The following RPS29 variants were observed in gnomAD, a reference collection of about 807,000 sequenced individuals.
RPS29 encodes ribosomal protein S29.
For missense variants in RPS29, 60 were observed against 75.7 expected (o/e 0.79, Z 0.77); for synonymous variants, 37 against 26.9 (o/e 1.37, Z -1.16).
intron 1 of RPS29, among the ~76,000 whole-genome samples, chr14:49,596,809 G>T (rs1318118945): frequency 7.1e-6 from 1 of 141,814 alleles, no homozygotes; most frequent in Non-Finnish European, 1.5e-5. Flanking sequence ...ACAAGGTCTC[G>T]CTCTGTCGCC....
exon 3 of RPS29, chr14:49,575,996 A>T (rs931710702): frequency 6.6e-6 from 1 of 152,230 alleles, no homozygotes; most frequent in South Asian, 2.1e-4. Context: ...ACTAGCACAC[A>T]TAATCTAGGC....
chr14:49,577,443 G>T, exon 3 of RPS29: 3 of 385,636 alleles, frequency 7.8e-6, no homozygotes, highest in South Asian at 5.0e-5. Context: ...TGACTCTGAT[G>T]ACCACCTGGG....
upstream of RPS29, among the ~76,000 whole-genome samples, chr14:49,588,876 C>CT (rs577408713): frequency 0.12 from 10,604 of 92,106 alleles, 2,999 homozygotes; most frequent in Non-Finnish European, 0.18. Context: ...TTTCTGAGTC[C>CT]TTTTTTTTTT....
At chr14:49,575,603 T>A (rs1044243970) in exon 3 of RPS29, 14 of 152,142 alleles carry the variant, frequency 9.2e-5, no homozygotes, top group African/African-American at 3.4e-4. Context: ...TCCCAACACT[T>A]TGGGAGACTA....
At chr14:49,577,576 CA>C in exon 3 of RPS29, 1 of 647,912 alleles carries the variant, frequency 1.5e-6, no homozygotes, top group South Asian at 1.7e-5. Flanking sequence ...CAGGAACTTC[CA>C]GAAGCCACTG....
intron 1 of RPS29, chr14:49,598,301 A>G (rs1353880710): frequency 1.6e-6 from 1 of 607,222 alleles, no homozygotes; most frequent in Non-Finnish European, 2.9e-6. Flanking sequence ...GTCCTAGTTC[A>G]ATCAATCAAG....
At chr14:49,584,523 G>C (rs1055651787) in intron 2 of RPS29, among the ~76,000 whole-genome samples, 1 of 152,192 alleles carries the variant, frequency 6.6e-6, no homozygotes. Flanking sequence ...CCAGCACTCT[G>C]AGGGGTCAAG....
downstream of RPS29, among the ~76,000 whole-genome samples, chr14:49,578,578 T>TTTTTTTTA (rs1881250613): frequency 6.7e-6 from 1 of 148,834 alleles, no homozygotes; most frequent in African/African-American, 2.5e-5. Flanking sequence ...TTTTTTTTTT[T>TTTTTTTTA]GAGACAGGGT....
At position 49,583,657 on chromosome 14, in the gene RPS29, G is replaced by A. The variant is rs1010754505; in HGVS notation, c.*10C>T. The A allele has an allele frequency of 1.3e-6, 2 of 1,579,464 alleles. No individual in the cohort carries two copies. The highest frequency in any genetic ancestry group is 2.7e-5 in the African/African-American group (2 of 73,256). The stretch of plus-strand genomic sequence containing the variant: ...TAGATGCCCCGGATAATCCTCTGAA[G>A]GAAGAGCATTTAGTCCAACTGAAAA... On this transcript the variant is annotated 3_prime_UTR_variant, in exon 3 of 3. Coordinates refer to ENST00000245458, the MANE Select transcript of RPS29 (RefSeq NM_001032.5).
At chr14:49,585,897 C>G in intron 2 of RPS29, 53 bp downstream of exon 2, 5 of 1,391,340 alleles carry the variant, frequency 3.6e-6, no homozygotes, top group Non-Finnish European at 5.1e-6. Context: ...GAAAAAATAA[C>G]CCCCACAACC....
At chr14:49,582,955 A>G (rs1259198335), downstream of RPS29, among the ~76,000 whole-genome samples, 1 of 152,218 alleles carries the variant, frequency 6.6e-6, no homozygotes, top group African/African-American at 2.4e-5. Context: ...TTGACAGATG[A>G]CAGACCCTGT....
At chr14:49,581,701 T>C (rs1235596734), downstream of RPS29, among the ~76,000 whole-genome samples, 3 of 152,118 alleles carry the variant, frequency 2.0e-5, no homozygotes, top group East Asian at 1.9e-4. Flanking sequence ...TATCTACTCC[T>C]ATCTCCTGTA....
upstream of RPS29, chr14:49,586,586 C>T (rs892228503): frequency 1.1e-5 from 6 of 533,788 alleles, no homozygotes; most frequent in East Asian, 9.7e-5. Context: ...GACCGCCGGG[C>T]GCGGTGGCGC....
downstream of RPS29, among the ~76,000 whole-genome samples, chr14:49,582,951 G>A (rs1279513804): frequency 6.6e-6 from 1 of 152,168 alleles, no homozygotes; most frequent in Admixed American, 6.5e-5. Flanking sequence ...CACATTGACA[G>A]ATGACAGACC....
intron 2 of RPS29, chr14:49,585,224 C>G (rs1336360928): frequency 6.6e-6 from 1 of 151,972 alleles, no homozygotes; most frequent in Non-Finnish European, 1.5e-5. Context: ...AAAAATTAGC[C>G]GGACATGGTG....
intron 2 of RPS29, among the ~76,000 whole-genome samples, chr14:49,585,086 T>A (rs868426153): frequency 1.3e-5 from 2 of 151,990 alleles, no homozygotes; most frequent in Admixed American, 6.6e-5. Context: ...ACATTTTGGG[T>A]TGGCCGGGCG....
At chr14:49,579,429 T>C (rs1020630956), downstream of RPS29, among the ~76,000 whole-genome samples, 3 of 152,024 alleles carry the variant, frequency 2.0e-5, no homozygotes, top group African/African-American at 7.2e-5. Flanking sequence ...TCTGCCAGAG[T>C]GGTGGCTCAC....
chr14:49,586,579 C>T (rs530460514), upstream of RPS29: 83 of 547,478 alleles, frequency 1.5e-4, no homozygotes, highest in African/African-American at 8.7e-4. Flanking sequence ...GGTATCCGAC[C>T]GCCGGGCGCG....
chr14:49,580,005 C>G (rs1490720847), downstream of RPS29, among the ~76,000 whole-genome samples: 2 of 152,208 alleles, frequency 1.3e-5, no homozygotes, highest in Admixed American at 1.3e-4. Context: ...GCATAAAGCA[C>G]TTAGACCACC....
Sources: gnomAD v4.1 joint callset for allele counts (sites outside exome capture counted in the v4.1 genomes callset) on GRCh38, gnomAD v4.1.1 for gene constraint, MANE v1.5 for transcripts, NCBI Gene and HGNC (gene_info 2026-07-23, HGNC 2026-07-21) for gene names.